Variants in MAN1B1 observed in about 807,000 individuals in gnomAD.
MAN1B1 encodes mannosidase alpha class 1B member 1, also known as endoplasmic reticulum mannosyl-oligosaccharide 1,2-alpha-mannosidase.
In MAN1B1, 66 loss-of-function variants were observed where a neutral mutation model predicts 75.5. The observed-to-expected ratio is 0.87, with a 90% CI of 0.72 to 1.07. MAN1B1 has a LOEUF of 1.07. MAN1B1 is among the 50% of genes least tolerant of loss of function. MAN1B1 has a pLI of 0.00. For synonymous variants in MAN1B1, 453 were observed against 382.8 expected (o/e 1.18, Z -2.14); for missense variants, 973 against 912.5 (o/e 1.07, Z -0.85).
intron 10 of MAN1B1, 101 bp downstream of exon 10, chr9:137,106,910 G>A (rs879425510): frequency 4.6e-4 from 689 of 1,505,946 alleles, no homozygotes; most frequent in Admixed American, 9.4e-4. Context: ...TGGCCATGGC[G>A]CCCACGTGGA....
rs1237643671 is a variant in MAN1B1, at chr9:137,108,935, A to G, written c.*344A>G. The G allele has an allele frequency of 2.0e-6, 1 of 493,638 alleles. No homozygotes were observed. Among genetic ancestry groups the G allele is most frequent in the African/African-American group, 1.9e-5 (1 of 51,522 alleles). 30.6% of individuals were successfully genotyped at this position (493,638 alleles called of 1,614,324 possible). A position where few individuals can be genotyped will look rare whatever the true frequency, so the allele number is the denominator to read the frequency against. ...CTGGTACTGGGGTGACCGAGTGGAC[A>G]GCCCAGGGTGCAGCTCTGCCCGGGC... On this transcript the variant is annotated 3_prime_UTR_variant, in exon 13 of 13. Coordinates refer to ENST00000371589, the MANE Select transcript of MAN1B1 (RefSeq NM_016219.5).
chr9:137,106,843 C>A, intron 10 of MAN1B1, 34 bp downstream of exon 10: 1 of 1,609,400 alleles, frequency 6.2e-7, no homozygotes. Flanking sequence ...CGGCCGCCGC[C>A]CCTTTTACCT....
chr9:137,094,861 C>T (rs1486508817), intron 3 of MAN1B1, among the ~76,000 whole-genome samples: 2 of 150,608 alleles, frequency 1.3e-5, no homozygotes, highest in Admixed American at 1.3e-4. Context: ...GCCTGGGCAA[C>T]AAGAGTAAAA....
chr9:137,106,062 T>G, intron 8 of MAN1B1, 63 bp from the exon 9 acceptor site: 1 of 1,362,946 alleles, frequency 7.3e-7, no homozygotes, highest in South Asian at 1.2e-5. Flanking sequence ...ACAGAGCCCC[T>G]CTACAGCTCA....
intron 10 of MAN1B1, 124 bp from the exon 11 acceptor site, chr9:137,107,116 AGTGCCCTCGC>A (rs1831139222): frequency 1.0e-6 from 1 of 956,808 alleles, no homozygotes; most frequent in Non-Finnish European, 1.6e-6. Flanking sequence ...TTCCATGCCA[AGTGCCCTCGC>A]GTGGCCTCCC....
chr9:137,101,394 C>A, intron 7 of MAN1B1, 90 bp from the exon 8 acceptor site: 1 of 1,293,904 alleles, frequency 7.7e-7, no homozygotes, highest in Admixed American at 1.7e-5. Flanking sequence ...CCCAGAGAGC[C>A]TTCAGTGTCT....
At chr9:137,102,834 A>G (rs1830905178) in intron 8 of MAN1B1, 1 of 328,000 alleles carries the variant, frequency 3.0e-6, no homozygotes, top group Non-Finnish European at 5.8e-6. Context: ...GGTGTTACAC[A>G]CATTCACACT....
chr9:137,092,230 T>C (rs373176451), intron 3 of MAN1B1, among the ~76,000 whole-genome samples: 1 of 150,670 alleles, frequency 6.6e-6, no homozygotes, highest in Non-Finnish European at 1.5e-5. Flanking sequence ...AGGCACGACA[T>C]GCCTATAGTC....
chr9:137,091,521 A>ATTTTTTTTTTTTT (rs964752016), intron 3 of MAN1B1, among the ~76,000 whole-genome samples: 1 of 89,914 alleles, frequency 1.1e-5, no homozygotes, highest in Admixed American at 1.4e-4. Context: ...TTTGTTTTAT[A>ATTTTTTTTTTTTT]TTTTTTTTTT....
Position 137,107,448 on chromosome 9 carries a change from G to GTGGGCC in MAN1B1, c.1764+12_1764+17dup, listed in dbSNP as rs749706039. 5.0e-6 allele frequency: 8 copies of GTGGGCC among 1,613,386 alleles called. No individual in the cohort carries two copies. Among genetic ancestry groups the GTGGGCC allele is most frequent in the East Asian group, 2.2e-5 (1 of 44,880 alleles). Reference sequence around the variant, plus strand: ...GGGCCGTCGGGACGTGGAGGTCAAGGTGGGCCTGGGCCTGGGTCAGGGTCC... The same window carrying GTGGGCC: ...GGGCCGTCGGGACGTGGAGGTCAAGGTGGGCCTGGGCCTGGGCCTGGGTCAGGGTCC... On this transcript the variant is annotated splice_donor_variant, in intron 11 of 12. Transcript: ENST00000371589. LOFTEE classifies it high-confidence loss of function.
rs546381955 is a variant in MAN1B1, at chr9:137,093,813, G to A, written c.466-2424G>A. 1.5e-4 allele frequency among the ~76,000 whole-genome samples: 23 copies of A among 151,888 alleles called. No individual in the cohort carries two copies. In the South Asian group the frequency reaches 1.9e-3, roughly 12 times the overall value. On this transcript the variant is annotated intron_variant, in intron 3 of 12. Transcript: ENST00000371589. ...CGCGCCACTGCACTCCAGCCTGGGC[G>A]ACAGAGCAAGACTCTGTCTCAAAAA...
intron 9 of MAN1B1, 85 bp from the exon 10 acceptor site, chr9:137,106,604 T>C (rs761057662): frequency 2.5e-6 from 4 of 1,596,464 alleles, no homozygotes; most frequent in Non-Finnish European, 1.7e-6. Flanking sequence ...TGTACTTGTG[T>C]GGGCCCAGGA....
chr9:137,087,113 C>CCCACCG lies in MAN1B1; in HGVS notation c.117_122dup (p.Pro44_Pro45dup), dbSNP rs1309450658. 2.5e-6 allele frequency: 4 copies of CCCACCG among 1,592,900 alleles called. No homozygotes were observed. The highest frequency in any genetic ancestry group is 2.6e-6 in the Non-Finnish European group (3 of 1,171,416). On this transcript the variant is annotated inframe_insertion, in exon 1 of 13. Coordinates refer to ENST00000371589, the MANE Select transcript of MAN1B1 (RefSeq NM_016219.5). Reference sequence around the variant, plus strand: ...CCGTCGCCACCACTGTAGTCATGTACCCACCGCCGCCGCCGCCGCCTCATC... The same window carrying CCCACCG: ...CCGTCGCCACCACTGTAGTCATGTACCCACCGCCACCGCCGCCGCCGCCGCCTCATC...
intron 10 of MAN1B1, 152 bp from the exon 11 acceptor site, chr9:137,107,086 TGGTCCAGGCAGC>T (rs1290374838): frequency 1.2e-6 from 1 of 810,948 alleles, no homozygotes; most frequent in East Asian, 2.7e-5. Flanking sequence ...TTGGAGGGCC[TGGTCCAGGCAGC>T]TCCGCTGTTC....
chr9:137,107,997 C>T, intron 12 of MAN1B1: 1 of 621,334 alleles, frequency 1.6e-6, no homozygotes, highest in South Asian at 1.9e-5. Context: ...GCACCATCCC[C>T]ACTGTGGACC....
Position 137,107,608 on chromosome 9 carries a change from C to T in MAN1B1, c.1842C>T (p.Arg614=). The T allele has an allele frequency of 1.9e-6, 3 of 1,611,588 alleles. No homozygotes were observed. Among genetic ancestry groups the T allele is most frequent in the Non-Finnish European group, 2.5e-6 (3 of 1,179,964 alleles). The change falls in exon 12 of 13, where the codon CGC becomes CGT. Residue 614 remains arginine (R), a synonymous_variant. Coordinates refer to ENST00000371589, the MANE Select transcript of MAN1B1 (RefSeq NM_016219.5). ...ACCTGTACCGCGTCACAGGGGACCGCAAATACCAGGACTGGGGCTGGGAGA... is the reference window on the plus strand; with the variant it reads ...ACCTGTACCGCGTCACAGGGGACCGTAAATACCAGGACTGGGGCTGGGAGA... ...LFYLYRVTGD[R]KYQDWGWEIL... is the part of the protein sequence containing the mutation.
chr9:137,091,059 G>A (rs2130991784), intron 3 of MAN1B1, among the ~76,000 whole-genome samples: 1 of 152,290 alleles, frequency 6.6e-6, no homozygotes, highest in East Asian at 1.9e-4. Flanking sequence ...GGAGAGTCCT[G>A]CTCTTGATTG....
At chr9:137,091,825 C>T (rs1830525432) in intron 3 of MAN1B1, among the ~76,000 whole-genome samples, 1 of 152,104 alleles carries the variant, frequency 6.6e-6, no homozygotes, top group Non-Finnish European at 1.5e-5. Flanking sequence ...CACGCCCGGC[C>T]TTAAAATTAT....
intron 2 of MAN1B1, chr9:137,088,424 C>G (rs1319983067): frequency 1.9e-6 from 3 of 1,558,064 alleles, no homozygotes; most frequent in Admixed American, 1.7e-5. Context: ...TCCAGCCTCC[C>G]TTATAGAGTA....
Sources: allele counts gnomAD v4.1 joint callset (sites outside exome capture counted in the v4.1 genomes callset), GRCh38; gene constraint gnomAD v4.1.1; transcripts MANE v1.5; gene names NCBI Gene and HGNC (gene_info 2026-07-23, HGNC 2026-07-21).